GRM7: variants seen among roughly 807,000 people sequenced by gnomAD.
GRM7 encodes the protein metabotropic glutamate receptor 7.
Under a neutral mutation model 84.5 loss-of-function variants are expected in GRM7, and 35 were observed. That is an observed-to-expected ratio of 0.41 (90% confidence interval 0.32 to 0.55). GRM7 has a LOEUF of 0.55. Among genes scored for constraint, GRM7 ranks in the 20% least tolerant of loss-of-function variants. The pLI, the probability that GRM7 is intolerant of heterozygous loss-of-function variation, is 0.19. For missense variants in GRM7, 1,003 were observed against 1,194.6 expected, an observed-to-expected ratio of 0.84 and a Z score of 2.36; for synonymous variants, 487 against 455.1, an observed-to-expected ratio of 1.07 and a Z score of -0.89.
At chr3:7,690,264 A>G (rs1391365603) in intron 9 of GRM7, among the ~76,000 whole-genome samples, 2 of 152,158 alleles carry the variant, frequency 1.3e-5, no homozygotes, top group Non-Finnish European at 2.9e-5. Flanking sequence ...AAAGGCTAGT[A>G]AGTACTAGGC....
chr3:7,019,240 C>T (rs530837264), intron 1 of GRM7, among the ~76,000 whole-genome samples: 1 of 152,158 alleles, frequency 6.6e-6, no homozygotes, highest in African/African-American at 2.4e-5. Context: ...CAGCCTCCCC[C>T]ACTATCAACA....
At chr3:6,974,574 AG>A (rs1321353310) in intron 1 of GRM7, among the ~76,000 whole-genome samples, 1 of 152,098 alleles carries the variant, frequency 6.6e-6, no homozygotes. Context: ...GCCTCTTGTG[AG>A]GTAGGAAAAG....
chr3:7,439,761 A>C (rs1166199533), intron 5 of GRM7, among the ~76,000 whole-genome samples: 3 of 152,202 alleles, frequency 2.0e-5, no homozygotes, highest in Non-Finnish European at 4.4e-5. Flanking sequence ...TGGGGGAAGC[A>C]GTGTTCTCAG....
chr3:7,219,455 A>T (rs190000298), intron 2 of GRM7, among the ~76,000 whole-genome samples: 14 of 152,318 alleles, frequency 9.2e-5, no homozygotes, highest in African/African-American at 3.4e-4. Flanking sequence ...TGTATAAATA[A>T]GTCTGTGAAG....
At chr3:7,670,490 G>A (rs1321591382) in intron 8 of GRM7, among the ~76,000 whole-genome samples, 2 of 152,162 alleles carry the variant, frequency 1.3e-5, no homozygotes, top group Non-Finnish European at 2.9e-5. Flanking sequence ...TCTTCTTGTC[G>A]ATGACACTGT....
At chr3:7,437,819 G>C (rs1697123310) in intron 5 of GRM7, among the ~76,000 whole-genome samples, 1 of 152,064 alleles carries the variant, frequency 6.6e-6, no homozygotes, top group South Asian at 2.1e-4. Context: ...GGGGCAAGTA[G>C]GGAAATTGTA....
At chr3:7,403,538 A>G (rs1026330998) in intron 4 of GRM7, among the ~76,000 whole-genome samples, 4 of 149,872 alleles carry the variant, frequency 2.7e-5, no homozygotes, top group Non-Finnish European at 4.4e-5. Flanking sequence ...GAATGGCAAC[A>G]AGATTCGGTC....
At chr3:7,686,386 C>T (rs959481665) in intron 9 of GRM7, 2 of 1,540,288 alleles carry the variant, frequency 1.3e-6, no homozygotes, top group Non-Finnish European at 1.8e-6. Context: ...AAAGAGTGTA[C>T]AAAAGTCTGT....
At position 6,886,399 on chromosome 3, in the gene GRM7, A is replaced by G. The variant is rs984892211; in HGVS notation, c.519+24492A>G. Among the ~76,000 whole-genome samples, 9 of 152,172 alleles carry G rather than the reference A, an allele frequency of 5.9e-5. No homozygotes were observed. The East Asian group carries it at 1.7e-3, about 29-fold the overall frequency. On this transcript the variant is annotated intron_variant, in intron 1 of 9. Transcript: ENST00000357716. ...TTAGGAGAAATACCTAATGTAAATG[A>G]TGAGTTGATGGGTGTAGCAAACTAA...
chr3:7,686,255 T>A, intron 9 of GRM7: 1 of 607,880 alleles, frequency 1.6e-6, no homozygotes, highest in Non-Finnish European at 3.0e-6. Context: ...ATGTGTATGG[T>A]CTCTATCGCA....
At chr3:7,664,774 G>A (rs1052552999) in intron 8 of GRM7, among the ~76,000 whole-genome samples, 6 of 152,068 alleles carry the variant, frequency 3.9e-5, no homozygotes, top group African/African-American at 1.4e-4. Context: ...AGATACTGGG[G>A]CACTCAATGC....
At chr3:7,236,627 T>C (rs1337768801) in intron 2 of GRM7, among the ~76,000 whole-genome samples, 1 of 152,234 alleles carries the variant, frequency 6.6e-6, no homozygotes, top group Admixed American at 6.5e-5. Context: ...CTTTGAATCC[T>C]GCCCATAGCA....
chr3:7,715,842 A>T (rs974758634), intron 9 of GRM7, among the ~76,000 whole-genome samples: 4 of 152,024 alleles, frequency 2.6e-5, no homozygotes, highest in Admixed American at 6.6e-5. Flanking sequence ...TTTTTGAATC[A>T]TTTGTCTCCT....
intron 1 of GRM7, among the ~76,000 whole-genome samples, chr3:6,911,400 G>C (rs1696763880): frequency 6.6e-6 from 1 of 152,048 alleles, no homozygotes; most frequent in African/African-American, 2.4e-5. Flanking sequence ...AATTTCTTCT[G>C]GGACTTATGT....
At chr3:7,618,138 T>C (rs1697191195) in intron 8 of GRM7, among the ~76,000 whole-genome samples, 1 of 152,132 alleles carries the variant, frequency 6.6e-6, no homozygotes. Context: ...ATATAATTAT[T>C]ACTTTCATTT....
At chr3:7,036,538 TA>T (rs1241517396) in intron 1 of GRM7, among the ~76,000 whole-genome samples, 2 of 152,142 alleles carry the variant, frequency 1.3e-5, no homozygotes, top group African/African-American at 4.8e-5. Flanking sequence ...AAATATCATC[TA>T]GGGGAGGAGA....
chr3:7,163,360 G>A (rs1279794873), intron 2 of GRM7, among the ~76,000 whole-genome samples: 1 of 152,198 alleles, frequency 6.6e-6, no homozygotes, highest in Non-Finnish European at 1.5e-5. Context: ...CAATGGAAAA[G>A]GGAAAGAATC....
At position 7,057,816 on chromosome 3, in the gene GRM7, A is replaced by T. The variant is rs149381740; in HGVS notation, c.520-88636A>T. Among the ~76,000 whole-genome samples, 14 of 152,000 alleles carry T rather than the reference A, an allele frequency of 9.2e-5. No homozygotes were observed. The East Asian group carries it at 2.7e-3, about 30-fold the overall frequency. On this transcript the variant is annotated intron_variant, in intron 1 of 9. Transcript: ENST00000357716. ...CTTCATATATCAGGATGATCTCTCG[A>T]TCTAGTGCACACTCTATCTCTATTG...
intron 2 of GRM7, among the ~76,000 whole-genome samples, chr3:7,196,074 T>C (rs377645920): frequency 2.0e-4 from 31 of 152,196 alleles, no homozygotes; most frequent in East Asian, 9.7e-4. Context: ...ATATTTATTT[T>C]AATGAATTGG....
Sources: allele counts gnomAD v4.1 joint callset (sites outside exome capture counted in the v4.1 genomes callset), GRCh38; gene constraint gnomAD v4.1.1; transcripts MANE v1.5; gene names NCBI Gene and HGNC (gene_info 2026-07-23, HGNC 2026-07-21).